PTPRM: variants seen among roughly 807,000 people sequenced by gnomAD.
The protein encoded by PTPRM is protein tyrosine phosphatase receptor type M.
A neutral mutation model predicts 186.7 loss-of-function variants in PTPRM; 47 were observed. The observed-to-expected ratio is 0.25, with a 90% CI of 0.20 to 0.32. The LOEUF is 0.32. Ranked by LOEUF, PTPRM falls within the 10% of genes least tolerant of loss-of-function variation. PTPRM has a pLI of 1.00. For synonymous variants in PTPRM, 668 were observed against 674.9 expected (o/e 0.99, Z 0.16); for missense variants, 1,494 against 1,865.0 (o/e 0.80, Z 3.66).
chr18:8,294,936 T>C (rs2095080005), intron 19 of PTPRM, among the ~76,000 whole-genome samples: 2 of 152,304 alleles, frequency 1.3e-5, no homozygotes, highest in South Asian at 4.1e-4. Flanking sequence ...CTCCAGCCAG[T>C]CTCTGATGCA....
chr18:8,394,441 G>C, intron 31 of PTPRM, 35 bp from the exon 32 acceptor site: 1 of 1,590,076 alleles, frequency 6.3e-7, no homozygotes. Flanking sequence ...TGTAAAGACA[G>C]ACCGAGTGCA....
chr18:8,119,638 C>T lies in PTPRM; in HGVS notation c.2167+4811C>T, dbSNP rs1029178097. ...GTATATTAAGGCCCCCTGAGAAGTT[C>T]CTAAAGAAAAGAATCCGGAAAAACC... On this transcript the variant is annotated intron_variant, in intron 13 of 32. Transcript: ENST00000580170. Among the ~76,000 whole-genome samples the T allele has an allele frequency of 3.3e-5, 5 of 152,166 alleles. No individual in the cohort carries two copies. The East Asian group carries it at 9.7e-4, about 29-fold the overall frequency.
At chr18:8,269,143 T>C (rs926401689) in intron 19 of PTPRM, among the ~76,000 whole-genome samples, 2 of 152,034 alleles carry the variant, frequency 1.3e-5, no homozygotes, top group Non-Finnish European at 2.9e-5. Flanking sequence ...ATATGTAACA[T>C]GATCTTATAT....
chr18:7,756,066 C>G (rs1464773048), intron 1 of PTPRM, among the ~76,000 whole-genome samples: 1 of 152,094 alleles, frequency 6.6e-6, no homozygotes, highest in South Asian at 2.1e-4. Flanking sequence ...AGATACTGTT[C>G]CAGCTTTGAT....
chr18:7,706,960 G>A (rs1187571911), intron 1 of PTPRM, among the ~76,000 whole-genome samples: 2 of 152,066 alleles, frequency 1.3e-5, no homozygotes, highest in East Asian at 3.9e-4. Flanking sequence ...CTTCCAGATT[G>A]GGGGATAGGG....
intron 7 of PTPRM, among the ~76,000 whole-genome samples, chr18:7,975,919 C>G (rs1330894176): frequency 1.3e-5 from 2 of 152,148 alleles, no homozygotes; most frequent in African/African-American, 4.8e-5. Flanking sequence ...ACTTGTAATC[C>G]CAGCACTTTG....
At chr18:7,590,150 A>G (rs113059662) in intron 1 of PTPRM, among the ~76,000 whole-genome samples, 1 of 152,348 alleles carries the variant, frequency 6.6e-6, no homozygotes, top group African/African-American at 2.4e-5. Flanking sequence ...TTTGTAACGC[A>G]CTACCGAAGA....
At chr18:7,681,185 C>T (rs959821527) in intron 1 of PTPRM, among the ~76,000 whole-genome samples, 9 of 150,752 alleles carry the variant, frequency 6.0e-5, no homozygotes, top group Admixed American at 3.3e-4. Context: ...ATATGAATCT[C>T]GGAACTGCCT....
intron 1 of PTPRM, among the ~76,000 whole-genome samples, chr18:7,641,006 T>A (rs1044157607): frequency 9.2e-5 from 14 of 152,224 alleles, no homozygotes; most frequent in African/African-American, 3.4e-4. Flanking sequence ...CTGCTAAAAA[T>A]TTAGAATTTT....
chr18:8,305,364 G>C (rs756207724), intron 20 of PTPRM, among the ~76,000 whole-genome samples: 2 of 152,128 alleles, frequency 1.3e-5, no homozygotes, highest in Non-Finnish European at 2.9e-5. Context: ...TAAGTCATTG[G>C]CACTAATAAG....
intron 7 of PTPRM, among the ~76,000 whole-genome samples, chr18:7,984,522 T>C (rs1196055480): frequency 6.9e-6 from 1 of 145,196 alleles, no homozygotes; most frequent in Non-Finnish European, 1.5e-5. Context: ...ATTTTTTTAA[T>C]TTTTAATTTT....
At chr18:7,657,471 T>C (rs1418712075) in intron 1 of PTPRM, among the ~76,000 whole-genome samples, 1 of 152,256 alleles carries the variant, frequency 6.6e-6, no homozygotes, top group Admixed American at 6.5e-5. Flanking sequence ...CTTCCCACTC[T>C]TGACATTTTC....
intron 14 of PTPRM, among the ~76,000 whole-genome samples, chr18:8,169,514 G>A (rs1346213164): frequency 1.3e-5 from 2 of 152,090 alleles, no homozygotes; most frequent in Non-Finnish European, 2.9e-5. Context: ...CCTCCATGTA[G>A]CCTTTTCAGA....
intron 14 of PTPRM, among the ~76,000 whole-genome samples, chr18:8,158,081 AT>A (rs942138842): frequency 6.6e-6 from 1 of 152,132 alleles, no homozygotes; most frequent in Non-Finnish European, 1.5e-5. Flanking sequence ...TCAGGGCACA[AT>A]TTTCCTACTG....
intron 21 of PTPRM, among the ~76,000 whole-genome samples, chr18:8,317,470 G>T (rs957178901): frequency 1.3e-5 from 2 of 152,114 alleles, no homozygotes; most frequent in African/African-American, 4.8e-5. Context: ...CCAGGAAAAG[G>T]TCTAGGCTGG....
At chr18:8,024,767 T>A (rs767467929) in intron 7 of PTPRM, among the ~76,000 whole-genome samples, 1 of 150,156 alleles carries the variant, frequency 6.7e-6, no homozygotes, top group Non-Finnish European at 1.5e-5. Context: ...CGGTGCAGCC[T>A]TGACTTCTGA....
At chr18:8,150,633 T>G (rs1417783928) in intron 14 of PTPRM, among the ~76,000 whole-genome samples, 1 of 152,184 alleles carries the variant, frequency 6.6e-6, no homozygotes, top group African/African-American at 2.4e-5. Context: ...ACCGACCTTG[T>G]GAAGCCTACT....
chr18:8,352,318 C>T (rs1247542685), intron 23 of PTPRM, among the ~76,000 whole-genome samples: 3 of 152,116 alleles, frequency 2.0e-5, no homozygotes, highest in African/African-American at 7.2e-5. Flanking sequence ...ATTTAGGGGG[C>T]ACATGGGCAG....
chr18:7,854,890 C>T (rs549749265), intron 2 of PTPRM, among the ~76,000 whole-genome samples: 6 of 152,194 alleles, frequency 3.9e-5, no homozygotes, highest in African/African-American at 1.4e-4. Context: ...TGATCTTTGA[C>T]AGATTTGTTT....
Sources: gnomAD v4.1 joint callset for allele counts (sites outside exome capture counted in the v4.1 genomes callset) on GRCh38, gnomAD v4.1.1 for gene constraint, MANE v1.5 for transcripts, NCBI Gene and HGNC (gene_info 2026-07-23, HGNC 2026-07-21) for gene names.